CTSV: variants seen among roughly 807,000 people sequenced by gnomAD.
The protein encoded by CTSV is cathepsin L2.
Under a neutral mutation model 35.6 loss-of-function variants are expected in CTSV, and 33 were observed. The observed-to-expected ratio is 0.93, with a 90% CI of 0.70 to 1.24. The LOEUF is 1.24. Among genes scored for constraint, CTSV ranks in the 50% most tolerant of loss-of-function variants. CTSV has a pLI of 0.00. For synonymous variants in CTSV, 154 were observed against 147.1 expected (o/e 1.05, Z -0.34); for missense variants, 408 against 413.1 (o/e 0.99, Z 0.11).
intron 4 of CTSV, 86 bp from the exon 5 acceptor site, chr9:97,036,833 A>T (rs1047646885): frequency 7.3e-5 from 34 of 463,184 alleles, no homozygotes; most frequent in East Asian, 1.5e-4. Flanking sequence ...AATATTCTTT[A>T]AAAAAAAAAA....
At chr9:97,036,819 C>T (rs7037968) in intron 4 of CTSV, 72 bp from the exon 5 acceptor site, 816,241 of 1,192,412 alleles carry the variant, frequency 0.68, 287,143 homozygotes, top group East Asian at 0.99. Flanking sequence ...AATTGAATTA[C>T]CTTAATATTC....
Position 97,036,554 on chromosome 9 carries a change from T to C in CTSV, c.590A>G (p.Asp197Gly), listed in dbSNP as rs1465464887. ...TACATATGGATAGGATTCCTCAGAG[T>C]CCAGGCCTCCGTTCTCCTTGACATA... ...FQYVKENGGL[D>G]SEESYPYVAV... The change falls in exon 5 of 8, where the codon GAC becomes GGC. Residue 197 changes from aspartate (D) to glycine (G), a missense_variant. Transcript: ENST00000259470. The C allele has an allele frequency of 6.2e-7, 1 of 1,613,692 alleles. No homozygotes were observed. Among genetic ancestry groups the C allele is most frequent in the Non-Finnish European group, 8.5e-7 (1 of 1,179,920 alleles).
Position 97,037,304 on chromosome 9 carries a change from G to C in CTSV, c.344C>G (p.Pro115Arg). Residue 115 changes from proline (P) to arginine (R), a missense_variant, in exon 4 of 8, where the codon CCC becomes CGC. Coordinates refer to ENST00000259470, the MANE Select transcript of CTSV (RefSeq NM_001333.4). Reference sequence around the variant, plus strand: ...TTTCTTTCTCCAATCCACAGATTTGGGAAGATCAAGAAACAGAGGCTCACG... The same window carrying C: ...TTTCTTTCTCCAATCCACAGATTTGCGAAGATCAAGAAACAGAGGCTCACG... ...VFREPLFLDLPKSVDWRKKGY... is the reference protein window; with the variant it reads ...VFREPLFLDLRKSVDWRKKGY... 4 of 1,614,104 alleles carry C rather than the reference G, an allele frequency of 2.5e-6. No individual in the cohort carries two copies. Among genetic ancestry groups the C allele is most frequent in the Non-Finnish European group, 3.4e-6 (4 of 1,180,020 alleles).
intron 4 of CTSV, among the ~76,000 whole-genome samples, chr9:97,037,037 G>A (rs556599174): frequency 1.3e-5 from 2 of 152,140 alleles, no homozygotes; most frequent in African/African-American, 2.4e-5. Flanking sequence ...AACCCAGGAG[G>A]CAGAGGTTGC....
At chr9:97,034,238 T>C (rs1000530718) in intron 7 of CTSV, among the ~76,000 whole-genome samples, 9 of 152,200 alleles carry the variant, frequency 5.9e-5, no homozygotes, top group African/African-American at 2.2e-4. Context: ...AATTAAAGAA[T>C]GCTAATTGTG....
chr9:97,033,431 T>G (rs1322100794), intron 7 of CTSV, among the ~76,000 whole-genome samples: 1 of 141,770 alleles, frequency 7.1e-6, no homozygotes, highest in African/African-American at 2.7e-5. Context: ...ACCAACATGG[T>G]GAAACCCTGC....
Position 97,036,609 on chromosome 9 carries a change from T to C in CTSV, c.535A>G (p.Asn179Asp). 6.2e-7 allele frequency: 1 copy of C among 1,614,036 alleles called. No homozygotes were observed. The highest frequency in any genetic ancestry group is 8.5e-7 in the Non-Finnish European group (1 of 1,180,006). ...AAGGCCCTAGCCATGAAGCCACCAT[T>C]GCAGCCCTGATTGCCTTGAGGACGC... is the stretch of plus-strand genomic sequence containing the variant. Reference protein sequence around the residue: ...CSRPQGNQGCNGGFMARAFQY... With the variant: ...CSRPQGNQGCDGGFMARAFQY... The change falls in exon 5 of 8, where the codon AAT becomes GAT. Residue 179 changes from asparagine (N) to aspartate (D), a missense_variant. By Grantham distance (23) the Asn-to-Asp change is conservative. Coordinates refer to ENST00000259470, the MANE Select transcript of CTSV (RefSeq NM_001333.4).
upstream of CTSV, chr9:97,039,411 G>A (rs1450248696): frequency 5.9e-5 from 9 of 152,324 alleles, no homozygotes; most frequent in Non-Finnish European, 1.3e-4. Context: ...TGACTATCCC[G>A]ACTTACTGCG....
Position 97,037,513 on chromosome 9 carries a change from T to C in CTSV, c.229A>G (p.Met77Val), listed in dbSNP as rs1263070253. The change falls in exon 3 of 8, where the codon ATG becomes GTG. Residue 77 changes from methionine to valine, a missense_variant. Met to Val is a conservative substitution (Grantham distance 21). Coordinates refer to ENST00000259470, the MANE Select transcript of CTSV (RefSeq NM_001333.4). ...CTCACCATGTCACCAAAAGCATTCA[T>C]GGCCATTGTGAAGCCATGTTTCCCT... ...SQGKHGFTMAMNAFGDMTNEE... is the reference protein window; with the variant it reads ...SQGKHGFTMAVNAFGDMTNEE... 6 of 1,614,108 alleles carry C rather than the reference T, an allele frequency of 3.7e-6. No homozygotes were observed. Among genetic ancestry groups the C allele is most frequent in the African/African-American group, 2.7e-5 (2 of 74,938 alleles).
chr9:97,038,091 A>G, intron 1 of CTSV, 38 bp from the exon 2 acceptor site: 1 of 1,584,958 alleles, frequency 6.3e-7, no homozygotes. Context: ...GATTAGACCA[A>G]TCCTAAAAAG....
At chr9:97,036,413 T>C in intron 5 of CTSV, 110 bp downstream of exon 5, 1 of 824,572 alleles carries the variant, frequency 1.2e-6, no homozygotes, top group Non-Finnish European at 2.1e-6. Flanking sequence ...TTTGCAGATG[T>C]AGATTCTACC....
rs533331612 is a variant in CTSV at position 97,034,650 on chromosome 9, A to C, written c.905+76T>G. On this transcript the variant is annotated intron_variant, in intron 7 of 7. Coordinates refer to ENST00000259470, the MANE Select transcript of CTSV (RefSeq NM_001333.4). ...TAGAAGAAAGACTTTCGGAATTTTG[A>C]AATTGAGCTTTTGTGAACTTGTATC... 5.3e-6 allele frequency: 6 copies of C among 1,127,896 alleles called. No individual in the cohort carries two copies. In the South Asian group the frequency reaches 7.6e-5, roughly 14 times the overall value. The allele number at this position is 1,127,896 out of a possible 1,614,324, so 69.9% of individuals were successfully genotyped here. A position where few individuals can be genotyped will look rare whatever the true frequency, so the allele number is the denominator to read the frequency against.
rs1828880748 is a variant in CTSV, at chr9:97,037,749, C to T, written c.127-134G>A. ...TGATACTTCTCTGGGAGCTGTTCTC[C>T]AAGCCAAGACACAATGGAGATATAT... On this transcript the variant is annotated intron_variant, in intron 2 of 7. Coordinates refer to ENST00000259470, the MANE Select transcript of CTSV (RefSeq NM_001333.4). The T allele has an allele frequency of 3.7e-5, 53 of 1,414,146 alleles. 1 individual carries two copies. The South Asian group carries it at 6.3e-4, about 17-fold the overall frequency. 87.6% of individuals were successfully genotyped at this position (1,414,146 alleles called of 1,614,324 possible).
At chr9:97,037,869 AG>A in intron 2 of CTSV, 48 bp downstream of exon 2, 3 of 1,602,976 alleles carry the variant, frequency 1.9e-6, no homozygotes, top group Non-Finnish European at 2.6e-6. Flanking sequence ...CCCAACAGCG[AG>A]GACCATTCTC....
intron 5 of CTSV, chr9:97,036,267 T>G: frequency 2.1e-6 from 1 of 472,194 alleles, no homozygotes; most frequent in South Asian, 2.2e-5. Context: ...GAGACGGGGT[T>G]TCACTGTGTT....
In CTSV at chr9:97,035,538, G is replaced by A; in HGVS notation, c.777C>T (p.Phe259=). 2 of 1,545,590 alleles carry A rather than the reference G, an allele frequency of 1.3e-6. No individual in the cohort carries two copies. The highest frequency in any genetic ancestry group is 1.8e-6 in the Non-Finnish European group (2 of 1,141,106). Residue 259 remains phenylalanine, a synonymous_variant, in exon 6 of 8, where the codon TTC becomes TTT. Transcript: ENST00000259470. Reference sequence around the variant, plus strand: ...TAAAATGACACTTACCTGATTTGTAGAACTGGAAGGACGAATGGCCTGCAT... The same window carrying A: ...TAAAATGACACTTACCTGATTTGTAAAACTGGAAGGACGAATGGCCTGCAT... ...AMDAGHSSFQ[F]YKSGIYFEPD...
intron 7 of CTSV, among the ~76,000 whole-genome samples, chr9:97,033,340 G>A (rs1454640250): frequency 3.3e-5 from 5 of 151,806 alleles, no homozygotes; most frequent in African/African-American, 1.2e-4. Flanking sequence ...GGCCAGGTGC[G>A]GTGCATGCCT....
chr9:97,034,853 T>C lies in CTSV; in HGVS notation c.788-10A>G. The C allele has an allele frequency of 1.9e-6, 3 of 1,606,308 alleles. No individual in the cohort carries two copies. The highest frequency in any genetic ancestry group is 2.6e-6 in the Non-Finnish European group (3 of 1,173,458). On this transcript the variant is annotated splice_polypyrimidine_tract_variant and intron_variant, in intron 6 of 7. Transcript: ENST00000259470. ...GGTTCAAAATAAATGCCTGGGAGAG[T>C]AAAATTAATGCTGGGGTGAGAAGCT... is the stretch of plus-strand genomic sequence containing the variant.
chr9:97,037,232 T>C lies in CTSV; in HGVS notation c.396+20A>G. 1 of 1,610,376 alleles carries C rather than the reference T, an allele frequency of 6.2e-7. No individual in the cohort carries two copies. The highest frequency in any genetic ancestry group is 8.5e-7 in the Non-Finnish European group (1 of 1,177,710). ...TTGGCTTTCCTGTGGAGACAGGGTC[T>C]GAATCTGACGCTGTCTCACCTGATT... is the stretch of plus-strand genomic sequence containing the variant. On this transcript the variant is annotated intron_variant, in intron 4 of 7. Transcript: ENST00000259470.
Sources: gnomAD v4.1 joint callset for allele counts (sites outside exome capture counted in the v4.1 genomes callset) on GRCh38, gnomAD v4.1.1 for gene constraint, MANE v1.5 for transcripts, NCBI Gene and HGNC (gene_info 2026-07-23, HGNC 2026-07-21) for gene names.